The following DYTN variants were observed in gnomAD, a reference collection of about 807,000 sequenced individuals.
The protein encoded by DYTN is dystrotelin.
Under a neutral mutation model 69.6 loss-of-function variants are expected in DYTN, and 75 were observed. The ratio of observed to expected loss-of-function variants is 1.08; its 90% CI spans 0.89 to 1.31. The LOEUF (loss-of-function observed/expected upper bound fraction) is 1.31. Ranked by LOEUF, DYTN falls within the 50% of genes most tolerant of loss-of-function variation. The pLI is 0.00. For missense variants in DYTN, 726 were observed against 688.4 expected, an observed-to-expected ratio of 1.05 and a Z score of -0.61; for synonymous variants, 252 against 249.1, an observed-to-expected ratio of 1.01 and a Z score of -0.11.
At chr2:206,672,883 T>G (rs16838475) in intron 9 of DYTN, among the ~76,000 whole-genome samples, 35,894 of 152,184 alleles carry the variant, frequency 0.24, 4,634 homozygotes, top group African/African-American at 0.34. Context: ...ACTTCACTGG[T>G]ATTTTTAAAG....
At chr2:206,652,875 TA>T (rs1206745352) in intron 11 of DYTN, among the ~76,000 whole-genome samples, 1 of 152,216 alleles carries the variant, frequency 6.6e-6, no homozygotes, top group Non-Finnish European at 1.5e-5. Context: ...ATTCATTTTT[TA>T]AAAAATCTGT....
chr2:206,693,847 A>G (rs1207945486), intron 8 of DYTN, among the ~76,000 whole-genome samples: 4 of 152,212 alleles, frequency 2.6e-5, no homozygotes, highest in Non-Finnish European at 4.4e-5. Flanking sequence ...GCGTAATAAC[A>G]AAGTGGCCAC....
At chr2:206,708,901 T>C (rs867278545) in intron 2 of DYTN, among the ~76,000 whole-genome samples, 24 of 152,316 alleles carry the variant, frequency 1.6e-4, no homozygotes, top group Middle Eastern at 3.4e-3. Context: ...AGTTGAAAAC[T>C]GTGCATCCAC....
At chr2:206,696,257 G>A (rs750310639) in intron 7 of DYTN, among the ~76,000 whole-genome samples, 1 of 152,154 alleles carries the variant, frequency 6.6e-6, no homozygotes, top group Non-Finnish European at 1.5e-5. Context: ...AGGGTTTAGA[G>A]GACATAAAAT....
At chr2:206,655,589 T>A (rs1026106421) in intron 11 of DYTN, among the ~76,000 whole-genome samples, 57 of 118,806 alleles carry the variant, frequency 4.8e-4, no homozygotes, top group South Asian at 3.8e-3. Context: ...AAAAAAAAAT[T>A]TTTTTTTTTT....
At chr2:206,710,713 A>G (rs961295942) in intron 1 of DYTN, 115 bp from the exon 2 acceptor site, 3 of 809,248 alleles carry the variant, frequency 3.7e-6, no homozygotes, top group Non-Finnish European at 5.5e-6. Context: ...AGGTGAGGAA[A>G]TTAAGGTTTA....
In DYTN at chr2:206,662,952, T is replaced by C. The variant is rs1402412599; in HGVS notation, c.1584A>G (p.Gln528=). The C allele has an allele frequency of 6.2e-7, 1 of 1,613,836 alleles. No individual in the cohort carries two copies. The highest frequency in any genetic ancestry group is 2.2e-5 in the East Asian group (1 of 44,890). Residue 528 remains glutamine, a synonymous_variant, in exon 11 of 12, where the codon CAA becomes CAG. Coordinates refer to ENST00000452335, the MANE Select transcript of DYTN (RefSeq NM_001093730.1). ...RKDELEEEEL[Q]ELLSKLMDAF... ...CATCCATAAGTTTTGACAATAGTTC[T>C]TGCAGTTCCTCTTCCTCCAGCTCAT... is the stretch of plus-strand genomic sequence containing the variant.
At chr2:206,694,315 T>G (rs1699896261) in intron 8 of DYTN, among the ~76,000 whole-genome samples, 1 of 152,252 alleles carries the variant, frequency 6.6e-6, no homozygotes, top group South Asian at 2.1e-4. Flanking sequence ...ATCTTTCTTT[T>G]TTCCTAAAGA....
intron 10 of DYTN, among the ~76,000 whole-genome samples, chr2:206,665,393 A>C (rs1161607598): frequency 6.6e-6 from 1 of 151,714 alleles, no homozygotes; most frequent in Non-Finnish European, 1.5e-5. Flanking sequence ...TATTTAATTT[A>C]TTTAACAACT....
At chr2:206,707,219 A>G in intron 3 of DYTN, 83 bp downstream of exon 3, 1 of 1,500,804 alleles carries the variant, frequency 6.7e-7, no homozygotes, top group Non-Finnish European at 9.0e-7. Flanking sequence ...CCTCAAGCAA[A>G]TATTAGCCAG....
At chr2:206,705,515 G>T (rs1559317241) in intron 4 of DYTN, among the ~76,000 whole-genome samples, 1 of 152,222 alleles carries the variant, frequency 6.6e-6, no homozygotes, top group African/African-American at 2.4e-5. Flanking sequence ...ACAGAAATGT[G>T]AGGATCCTCC....
At chr2:206,679,096 T>C (rs1699721944) in intron 9 of DYTN, 2 of 152,204 alleles carry the variant, frequency 1.3e-5, no homozygotes, top group South Asian at 4.1e-4. Context: ...GAGGCACCTG[T>C]GGCTGCTGTT....
intron 9 of DYTN, among the ~76,000 whole-genome samples, chr2:206,676,771 G>A (rs941708992): frequency 6.6e-6 from 1 of 152,112 alleles, no homozygotes; most frequent in African/African-American, 2.4e-5. Context: ...ATTAGATCTT[G>A]TAGTGTTCTT....
chr2:206,683,118 T>C (rs1327402435), intron 9 of DYTN, among the ~76,000 whole-genome samples: 1 of 152,166 alleles, frequency 6.6e-6, no homozygotes, highest in Admixed American at 6.5e-5. Flanking sequence ...AAATTTGTAA[T>C]AGAAATATTG....
chr2:206,665,128 T>C (rs78284420), intron 10 of DYTN, among the ~76,000 whole-genome samples: 1,762 of 152,318 alleles, frequency 0.012, 36 homozygotes, highest in African/African-American at 0.04. Flanking sequence ...GCCTGATTTC[T>C]TCAGATACTT....
In DYTN at chr2:206,705,097, C is replaced by T. The variant is rs1036988632; in HGVS notation, c.383-154G>A. The stretch of plus-strand genomic sequence containing the variant: ...ATTGGCTAGCTATTATGAAGGCCTC[C>T]AAAACTATTTTGTTTTTAAATGAGG... On this transcript the variant is annotated intron_variant, in intron 4 of 11. Transcript: ENST00000452335. The T allele has an allele frequency of 4.7e-6, 3 of 643,800 alleles. No individual in the cohort carries two copies. In the African/African-American group the frequency reaches 5.5e-5, roughly 12 times the overall value. The allele number at this position is 643,800 out of a possible 1,614,324, so 39.9% of individuals were successfully genotyped here.
intron 2 of DYTN, 27 bp from the exon 3 acceptor site, chr2:206,707,530 C>A (rs1290979601): frequency 1.9e-6 from 3 of 1,585,066 alleles, no homozygotes; most frequent in Non-Finnish European, 2.6e-6. Context: ...AAGAATTGAG[C>A]CTTATTTTCT....
chr2:206,680,811 C>T (rs1699743217), intron 9 of DYTN, among the ~76,000 whole-genome samples: 1 of 152,162 alleles, frequency 6.6e-6, no homozygotes. Context: ...TCCCCTGTTG[C>T]ACCAGTTCAT....
rs777293357 is a variant in DYTN at position 206,707,470 on chromosome 2, AC to A, written c.127del (p.Val43SerfsTer48). 8 of 1,611,836 alleles carry A rather than the reference AC, an allele frequency of 5.0e-6. No individual in the cohort carries two copies. In the South Asian group the frequency reaches 8.9e-5, roughly 18 times the overall value. ...TTCCCAGAAACTTGGACGCAGTAGG[AC>A]CTGCTGAATCAGGGAGCTGTCAATC... ...DLIDSSLIQQ[V>X]LLRPSFWEAR... is the part of the protein sequence containing the mutation. On this transcript the variant is annotated frameshift_variant, in exon 3 of 12. Transcript: ENST00000452335. LOFTEE classifies it high-confidence loss of function.
Sources: gnomAD v4.1 joint callset for allele counts (sites outside exome capture counted in the v4.1 genomes callset) on GRCh38, gnomAD v4.1.1 for gene constraint, MANE v1.5 for transcripts, NCBI Gene and HGNC (gene_info 2026-07-23, HGNC 2026-07-21) for gene names.